Variants in BPGM observed in about 807,000 individuals in gnomAD.
BPGM encodes 2,3-bisphosphoglycerate mutase, erythrocyte.
In BPGM, 15 loss-of-function variants were observed where a neutral mutation model predicts 21.6. That is an observed-to-expected ratio of 0.70 (90% CI 0.47 to 1.07). BPGM has a LOEUF of 1.07. Ranked by LOEUF, BPGM falls within the 50% of genes least tolerant of loss-of-function variation. The pLI is 0.00. For missense variants in BPGM, 273 were observed against 319.0 expected (o/e 0.86, Z 1.10); for synonymous variants, 113 against 116.2 (o/e 0.97, Z 0.18).
At chr7:134,647,936 T>C (rs1795487316) in intron 1 of BPGM, among the ~76,000 whole-genome samples, 2 of 151,934 alleles carry the variant, frequency 1.3e-5, no homozygotes. Flanking sequence ...TAGCTGGGAT[T>C]ACAAGCATAG....
chr7:134,649,333 G>C (rs1357685745), intron 1 of BPGM, among the ~76,000 whole-genome samples: 1 of 152,110 alleles, frequency 6.6e-6, no homozygotes, highest in East Asian at 1.9e-4. Context: ...AGTATAATGT[G>C]GCAGAAAAAT....
intron 2 of BPGM, among the ~76,000 whole-genome samples, chr7:134,665,381 G>A (rs185466729): frequency 0.053 from 3,416 of 64,244 alleles, 770 homozygotes; most frequent in Non-Finnish European, 0.062. Context: ...AACAAACACC[G>A]CATATTCTCA....
At chr7:134,657,551 G>A (rs986510781) in intron 1 of BPGM, among the ~76,000 whole-genome samples, 39 of 152,190 alleles carry the variant, frequency 2.6e-4, no homozygotes, top group African/African-American at 8.9e-4. Flanking sequence ...CCCTAGGATG[G>A]TGGGGGAGGG....
At chr7:134,677,246 GTTTCT>G (rs946016094) in intron 2 of BPGM, among the ~76,000 whole-genome samples, 21 of 151,544 alleles carry the variant, frequency 1.4e-4, no homozygotes, top group African/African-American at 4.9e-4. Flanking sequence ...AAGAGTGTGT[GTTTCT>G]TTTCTTTCTT....
chr7:134,678,829 G>C (rs1463334712), intron 2 of BPGM, 24 bp from the exon 3 acceptor site: 1 of 1,606,032 alleles, frequency 6.2e-7, no homozygotes. Flanking sequence ...TTAACACCTG[G>C]TCTCTTCCTG....
chr7:134,648,688 T>C (rs1795508602), intron 1 of BPGM, among the ~76,000 whole-genome samples: 1 of 27,828 alleles, frequency 3.6e-5, no homozygotes, highest in Non-Finnish European at 5.8e-5. Context: ...AATTTTTGCA[T>C]TTTTTTTTTG....
chr7:134,654,184 AT>A (rs1358810950), intron 1 of BPGM, among the ~76,000 whole-genome samples: 13 of 152,130 alleles, frequency 8.5e-5, no homozygotes, highest in African/African-American at 2.9e-4. Flanking sequence ...TGGATTACAT[AT>A]TCCTCATAGG....
intron 2 of BPGM, among the ~76,000 whole-genome samples, chr7:134,669,059 G>C (rs6977476): frequency 0.56 from 84,718 of 152,040 alleles, 24,536 homozygotes; most frequent in East Asian, 0.77. Flanking sequence ...AATTATACCT[G>C]AAAAAAGACT....
At position 134,679,340 on chromosome 7, in the gene BPGM, G is replaced by A. The variant is rs1014423410; in HGVS notation, c.*309G>A. 5.3e-5 allele frequency: 19 copies of A among 356,056 alleles called. No homozygotes were observed. The South Asian group carries it at 6.3e-4, about 12-fold the overall frequency. 22.1% of individuals were successfully genotyped at this position (356,056 alleles called of 1,614,324 possible). A position where few individuals can be genotyped will look rare whatever the true frequency, so the allele number is the denominator to read the frequency against. Reference sequence around the variant, plus strand: ...GCAACAAGTAGAGATGAAGTTAAAGGTATTTATCATTCAAGAAATCATTAT... The same window carrying A: ...GCAACAAGTAGAGATGAAGTTAAAGATATTTATCATTCAAGAAATCATTAT... On this transcript the variant is annotated 3_prime_UTR_variant, in exon 3 of 3. Coordinates refer to ENST00000344924, the MANE Select transcript of BPGM (RefSeq NM_001724.5).
Position 134,661,568 on chromosome 7 carries a change from C to A in BPGM, c.61C>A (p.Arg21Ser). ...AGAGGGTGCTTGGAATAAGGAGAAC[C>A]GTTTTTGTAGCTGGGTGGATCAGAA... The part of the protein sequence containing the change: ...HGEGAWNKEN[R>S]FCSWVDQKLN... The change falls in exon 2 of 3, where the codon CGT becomes AGT. Residue 21 changes from arginine to serine, a missense_variant. By Grantham distance (110) the Arg-to-Ser change is moderately radical (BLOSUM62 -1). Coordinates refer to ENST00000344924, the MANE Select transcript of BPGM (RefSeq NM_001724.5). This position sits in a 1 kb window ranked among gnomAD's most constrained non-coding sequence, Gnocchi z 4.6. 6.2e-7 allele frequency: 1 copy of A among 1,614,086 alleles called. No individual in the cohort carries two copies. Among genetic ancestry groups the A allele is most frequent in the Non-Finnish European group, 8.5e-7 (1 of 1,180,010 alleles).
chr7:134,679,079 G>A lies in BPGM; in HGVS notation c.*48G>A, dbSNP rs1318876441. 1.3e-6 allele frequency: 2 copies of A among 1,596,638 alleles called. No individual in the cohort carries two copies. The highest frequency in any genetic ancestry group is 8.6e-7 in the Non-Finnish European group (1 of 1,166,194). ...AAGAAATGCAAAAGAAGTGGCATAG[G>A]AGTGTGTTATGGGTGCTGAACTCTC... On this transcript the variant is annotated 3_prime_UTR_variant, in exon 3 of 3. Transcript: ENST00000344924.
At chr7:134,676,717 C>G (rs1397089647) in intron 2 of BPGM, among the ~76,000 whole-genome samples, 1 of 152,138 alleles carries the variant, frequency 6.6e-6, no homozygotes, top group Non-Finnish European at 1.5e-5. Flanking sequence ...CCACAGAGTA[C>G]TAGGAATATA....
intron 2 of BPGM, among the ~76,000 whole-genome samples, chr7:134,675,692 T>C (rs1562972438): frequency 1.3e-5 from 2 of 152,162 alleles, no homozygotes; most frequent in Non-Finnish European, 2.9e-5. Context: ...TTTTCAAGAT[T>C]GTTTTGGCTA....
chr7:134,677,123 A>T (rs1400947488), intron 2 of BPGM, among the ~76,000 whole-genome samples: 1 of 152,210 alleles, frequency 6.6e-6, no homozygotes, highest in Non-Finnish European at 1.5e-5. Flanking sequence ...GCTACCTAGA[A>T]GGGAATTCCT....
chr7:134,646,897 GGCTGCT>G lies in BPGM; in HGVS notation c.-82_-77del, dbSNP rs147174635. On this transcript the variant is annotated 5_prime_UTR_variant, in exon 1 of 3. Transcript: ENST00000344924. ...TGGCTCTTTGGCGGCTCGGAGGAGC[GGCTGCT>G]GCTGCTGCTGCTGCTGCTGGTGGCC... 4.8e-5 allele frequency: 9 copies of G among 185,748 alleles called. No individual in the cohort carries two copies. The highest frequency in any genetic ancestry group is 1.6e-4 in the South Asian group (2 of 12,734). 11.5% of individuals were successfully genotyped at this position (185,748 alleles called of 1,614,324 possible).
chr7:134,673,226 A>G (rs1343925259), intron 2 of BPGM, among the ~76,000 whole-genome samples: 3 of 152,198 alleles, frequency 2.0e-5, no homozygotes, highest in Non-Finnish European at 4.4e-5. Context: ...TAGTCACTTA[A>G]GTCTCATTGA....
intron 1 of BPGM, among the ~76,000 whole-genome samples, chr7:134,653,788 G>A (rs1795592495): frequency 6.6e-6 from 1 of 152,118 alleles, no homozygotes; most frequent in South Asian, 2.1e-4. Flanking sequence ...CCAAAAGAAT[G>A]CTAATCTTGA....
chr7:134,667,108 A>T (rs964702848), intron 2 of BPGM, among the ~76,000 whole-genome samples: 3 of 152,074 alleles, frequency 2.0e-5, no homozygotes, highest in Middle Eastern at 3.2e-3. Context: ...AAAGCATTTC[A>T]TTGGATTTAG....
rs1795736460 is a variant in BPGM, at chr7:134,661,744, G to A, written c.237G>A (p.Val79=). 2 of 1,614,020 alleles carry A rather than the reference G, an allele frequency of 1.2e-6. No individual in the cohort carries two copies. The highest frequency in any genetic ancestry group is 1.7e-6 in the Non-Finnish European group (2 of 1,180,032). The part of the protein sequence containing the change: ...LILEELGQEW[V]PVESSWRLNE... ...TGGAAGAGCTAGGCCAGGAATGGGTGCCTGTGGAAAGCTCCTGGCGTCTAA... is the reference window on the plus strand; with the variant it reads ...TGGAAGAGCTAGGCCAGGAATGGGTACCTGTGGAAAGCTCCTGGCGTCTAA... Residue 79 remains valine, a synonymous_variant, in exon 2 of 3, where the codon GTG becomes GTA. Transcript: ENST00000344924. This position sits in a 1 kb window ranked among gnomAD's most constrained non-coding sequence, Gnocchi z 4.6.
Sources: gnomAD v4.1 joint callset for allele counts (sites outside exome capture counted in the v4.1 genomes callset) on GRCh38, gnomAD v4.1.1 for gene constraint, Gnocchi (gnomAD v3.1) non-coding constraint, MANE v1.5 for transcripts, NCBI Gene and HGNC (gene_info 2026-07-23, HGNC 2026-07-21) for gene names.